SLCO4A1: variants seen among roughly 807,000 people sequenced by gnomAD.
SLCO4A1 encodes solute carrier organic anion transporter family member 4A1, also known as colon organic anion transporter.
A neutral mutation model predicts 64.6 loss-of-function variants in SLCO4A1; 51 were observed. That is an observed-to-expected ratio of 0.79 (90% CI 0.63 to 1.00). SLCO4A1 has a LOEUF of 1.00. Among genes scored for constraint, SLCO4A1 ranks in the 50% least tolerant of loss-of-function variants. The pLI is 0.00. For missense variants in SLCO4A1, 919 were observed against 980.5 expected (o/e 0.94, Z 0.84); for synonymous variants, 471 against 444.9 (o/e 1.06, Z -0.74).
Position 62,668,459 on chromosome 20 carries a change from T to A in SLCO4A1, c.1812-18T>A, listed in dbSNP as rs1369213345. The stretch of plus-strand genomic sequence containing the variant: ...ACCCCACTTCTGTGGGTGCTGACGC[T>A]GTGGTTTTCTATTGCAGATGTGTCC... On this transcript the variant is annotated intron_variant, in intron 9 of 11. Transcript: ENST00000217159. 6.2e-7 allele frequency: 1 copy of A among 1,613,540 alleles called. No individual in the cohort carries two copies. The highest frequency in any genetic ancestry group is 8.5e-7 in the Non-Finnish European group (1 of 1,179,780).
intron 1 of SLCO4A1, chr20:62,651,792 C>T (rs1982547331): frequency 6.6e-6 from 1 of 152,244 alleles, no homozygotes; most frequent in African/African-American, 2.4e-5. Context: ...AGACGGGATC[C>T]TCCCCCTTCC....
chr20:62,657,021 G>A lies in SLCO4A1; in HGVS notation c.567G>A (p.Leu189=). The change falls in exon 2 of 12, where the codon CTG becomes CTA. Residue 189 remains leucine, a synonymous_variant. Coordinates refer to ENST00000217159, the MANE Select transcript of SLCO4A1 (RefSeq NM_016354.4). ...GCACGGGGTCGCTGGTGTTCGCGCT[G>A]CCCCACTTCACGGCTGGCCGCTATG... ...LMGTGSLVFA[L]PHFTAGRYEV... is the part of the protein sequence containing the mutation. 1 of 1,586,986 alleles carries A rather than the reference G, an allele frequency of 6.3e-7. No individual in the cohort carries two copies. Among genetic ancestry groups the A allele is most frequent in the Non-Finnish European group, 8.6e-7 (1 of 1,163,060 alleles).
chr20:62,681,184 CCTT>C (rs1363707307), intron 2 of SLCO4A1, among the ~76,000 whole-genome samples: 1 of 152,200 alleles, frequency 6.6e-6, no homozygotes. Context: ...CCCTTCCTGG[CCTT>C]CTTTTCTTTA....
intron 2 of SLCO4A1, among the ~76,000 whole-genome samples, chr20:62,678,666 C>A (rs1223147394): frequency 6.6e-6 from 1 of 151,710 alleles, no homozygotes; most frequent in Non-Finnish European, 1.5e-5. Flanking sequence ...AAATTGGAAA[C>A]CACCCAAATG....
At chr20:62,648,632 T>G (rs115259428) in intron 1 of SLCO4A1, among the ~76,000 whole-genome samples, 2 of 152,336 alleles carry the variant, frequency 1.3e-5, no homozygotes, top group African/African-American at 4.8e-5. Context: ...CCTCCCGTGA[T>G]GGGGCAGATT....
chr20:62,664,146 G>T lies in SLCO4A1; in HGVS notation c.1122-788G>T, dbSNP rs1310385925. On this transcript the variant is annotated intron_variant, in intron 5 of 11. Coordinates refer to ENST00000217159, the MANE Select transcript of SLCO4A1 (RefSeq NM_016354.4). ...GACCCCACAGCCAGGACCGCAACAG[G>T]CAGATGTGGAGGCTGAGGCTGAGCC... 2.6e-5 allele frequency among the ~76,000 whole-genome samples: 4 copies of T among 152,216 alleles called. No homozygotes were observed. The East Asian group carries it at 7.7e-4, about 29-fold the overall frequency.
In SLCO4A1 at chr20:62,665,080, C is replaced by T. The variant is rs1392201615; in HGVS notation, c.1268C>T (p.Thr423Ile). Reference sequence around the variant, plus strand: ...AGCCTGAGTGCCTCAGAAGCTGCCACCTTGTTTGGTGAGAAAACTGAATCT... The same window carrying T: ...AGCCTGAGTGCCTCAGAAGCTGCCATCTTGTTTGGTGAGAAAACTGAATCT... ...QFSLSASEAATLFGYLVVPAG... is the reference protein window; with the variant it reads ...QFSLSASEAAILFGYLVVPAG... Residue 423 changes from threonine (T) to isoleucine (I), a missense_variant, in exon 6 of 12, where the codon ACC (threonine) becomes ATC (isoleucine). Coordinates refer to ENST00000217159, the MANE Select transcript of SLCO4A1 (RefSeq NM_016354.4). 3 of 1,606,180 alleles carry T rather than the reference C, an allele frequency of 1.9e-6. No individual in the cohort carries two copies. Among genetic ancestry groups the T allele is most frequent in the East Asian group, 4.5e-5 (2 of 44,774 alleles).
rs1460917976 is a variant in SLCO4A1, at chr20:62,661,572, A to ACCCTTCCCTCACCATGACC, written c.1121+401_1121+419dup. 5.7e-4 allele frequency among the ~76,000 whole-genome samples: 86 copies of ACCCTTCCCTCACCATGACC among 151,216 alleles called. No homozygotes were observed. Among genetic ancestry groups the ACCCTTCCCTCACCATGACC allele is most frequent in the Middle Eastern group, 3.4e-3 (1 of 292 alleles). On this transcript the variant is annotated intron_variant, in intron 5 of 11. Coordinates refer to ENST00000217159, the MANE Select transcript of SLCO4A1 (RefSeq NM_016354.4). The surrounding 1 kb of genome is among the most constrained non-coding windows in gnomAD (Gnocchi z 5.2). ...CCAGGGAAGCTGCATTTGACTTGAG[A>ACCCTTCCCTCACCATGACC]CCCTTCCCTCACCATGACCCCCCAC...
rs1351480201 is a variant in SLCO4A1 at position 62,668,141 on chromosome 20, T to A, written c.1768T>A (p.Phe590Ile). The part of the protein sequence containing the change: ...LLVFIFVVIF[F>I]TFLSSIPALT... ...GGTTTTCATATTCGTTGTAATTTTC[T>A]TTACATTCCTCAGCAGCATTCCTGC... The change falls in exon 9 of 12, where the codon TTT becomes ATT. Residue 590 changes from phenylalanine (F) to isoleucine (I), a missense_variant. Physicochemically the swap from Phe to Ile is conservative, Grantham distance 21. Transcript: ENST00000217159. The A allele has an allele frequency of 1.2e-5, 19 of 1,613,914 alleles. No individual in the cohort carries two copies. Among genetic ancestry groups the A allele is most frequent in the Non-Finnish European group, 1.5e-5 (18 of 1,180,044 alleles).
At chr20:62,643,187 C>G in intron 1 of SLCO4A1, 1 of 351,320 alleles carries the variant, frequency 2.8e-6, no homozygotes, top group Non-Finnish European at 5.9e-6. Context: ...CCCTGCCCCA[C>G]CACGCGACGT....
At chr20:62,659,008 C>T (rs872626) in intron 3 of SLCO4A1, among the ~76,000 whole-genome samples, 29,282 of 152,240 alleles carry the variant, frequency 0.19, 2,936 homozygotes, top group African/African-American at 0.24. Context: ...GAGGCCTAAG[C>T]GCTTGCAAAG....
chr20:62,656,514 G>T lies in SLCO4A1; in HGVS notation c.60G>T (p.Met20Ile). 6.4e-7 allele frequency: 1 copy of T among 1,561,228 alleles called. No individual in the cohort carries two copies. The change falls in exon 2 of 12, where the codon ATG (methionine) becomes ATT (isoleucine). Residue 20 changes from methionine to isoleucine, a missense_variant. Met to Ile is a conservative substitution (Grantham distance 10). Coordinates refer to ENST00000217159, the MANE Select transcript of SLCO4A1 (RefSeq NM_016354.4). ...CCTTCCCCAGCCCCAACTCAGCCAT[G>T]GAAAACGGGCTTGACCACACCCCAC... The part of the protein sequence containing the change: ...PLTFPSPNSA[M>I]ENGLDHTPPS...
rs890256370 is a variant in SLCO4A1 at position 62,685,639 on chromosome 20, GCA to G, written n.412_413del. The G allele has an allele frequency of 4.0e-5, 7 of 176,510 alleles. No individual in the cohort carries two copies. The highest frequency in any genetic ancestry group is 1.7e-4 in the African/African-American group (7 of 41,962). 10.9% of individuals were successfully genotyped at this position (176,510 alleles called of 1,614,324 possible). On this transcript the variant is annotated non_coding_transcript_exon_variant, in exon 3 of 3. Transcript: ENST00000466818. The surrounding 1 kb of genome is among the most constrained non-coding windows in gnomAD (Gnocchi z 4.6). The stretch of plus-strand genomic sequence containing the variant: ...AATGCATTTGCTTCCGATGCCCAGG[GCA>G]CGAAAGAGGTGGACGAAACAACGGA...
At chr20:62,668,380 G>C in intron 9 of SLCO4A1, 97 bp from the exon 10 acceptor site, 1 of 1,349,826 alleles carries the variant, frequency 7.4e-7, no homozygotes. Context: ...GGGTGATGAT[G>C]TGGCTGGGGA....
intron 2 of SLCO4A1, among the ~76,000 whole-genome samples, chr20:62,683,094 A>G (rs559691864): frequency 6.6e-6 from 1 of 152,356 alleles, no homozygotes; most frequent in South Asian, 2.1e-4. Flanking sequence ...ACTCAGAACC[A>G]TAATTTGCAC....
rs754176201 is a variant in SLCO4A1, at chr20:62,671,894, C to T, written c.*1C>T. ...TAGCCAGCTCCAGAGCAGCGTCTGA[C>T]CACCGCCCGCGCCCACCCGGCCACG... On this transcript the variant is annotated 3_prime_UTR_variant, in exon 12 of 12. Transcript: ENST00000217159. 2.5e-6 allele frequency: 4 copies of T among 1,610,278 alleles called. No individual in the cohort carries two copies. The South Asian group carries it at 4.4e-5, about 18-fold the overall frequency.
intron 3 of SLCO4A1, among the ~76,000 whole-genome samples, chr20:62,659,436 C>A (rs1465621167): frequency 6.6e-6 from 1 of 152,152 alleles, no homozygotes; most frequent in Non-Finnish European, 1.5e-5. Flanking sequence ...CTGCAGATGG[C>A]GCCTCTCCTG....
At chr20:62,653,878 C>T (rs867803747) in intron 1 of SLCO4A1, among the ~76,000 whole-genome samples, 3 of 143,414 alleles carry the variant, frequency 2.1e-5, no homozygotes, top group Non-Finnish European at 4.5e-5. Context: ...CATCACACCC[C>T]GGGGCCTGCC....
chr20:62,683,623 G>A (rs1466691293), intron 2 of SLCO4A1, among the ~76,000 whole-genome samples: 1 of 152,182 alleles, frequency 6.6e-6, no homozygotes, highest in Non-Finnish European at 1.5e-5. Context: ...AGACACAAAT[G>A]CTCACTGTTG....
Sources: allele counts gnomAD v4.1 joint callset (sites outside exome capture counted in the v4.1 genomes callset), GRCh38; gene constraint gnomAD v4.1.1; non-coding constraint Gnocchi (gnomAD v3.1); transcripts MANE v1.5; gene names NCBI Gene and HGNC (gene_info 2026-07-23, HGNC 2026-07-21).